The following SECISBP2L variants were observed in gnomAD, a reference collection of about 807,000 sequenced individuals.
SECISBP2L encodes the protein selenocysteine insertion sequence-binding protein 2-like.
SECISBP2L carries 43 observed loss-of-function variants against 114.7 expected under a neutral mutation model. That is an observed-to-expected ratio of 0.38 (90% CI 0.29 to 0.48). SECISBP2L has a LOEUF of 0.48. Among genes scored for constraint, SECISBP2L ranks in the 20% least tolerant of loss-of-function variants. The pLI is 0.98. For synonymous variants in SECISBP2L, 451 were observed against 439.7 expected (o/e 1.03, Z -0.32); for missense variants, 1,136 against 1,301.1 (o/e 0.87, Z 1.95).
chr15:49,022,791 G>A (rs1902666649), intron 7 of SECISBP2L, among the ~76,000 whole-genome samples: 1 of 152,148 alleles, frequency 6.6e-6, no homozygotes, highest in Non-Finnish European at 1.5e-5. Flanking sequence ...AGTCAGTGAA[G>A]AAGAGATCAA....
At chr15:49,003,533 G>T (rs1002094441) in intron 14 of SECISBP2L, among the ~76,000 whole-genome samples, 8 of 152,176 alleles carry the variant, frequency 5.3e-5, no homozygotes, top group Non-Finnish European at 1.2e-4. Context: ...CAAAGGGAAT[G>T]CTTCCAGCTT....
At chr15:49,029,091 C>T (rs1168543821) in intron 4 of SECISBP2L, among the ~76,000 whole-genome samples, 3 of 152,102 alleles carry the variant, frequency 2.0e-5, no homozygotes, top group South Asian at 2.1e-4. Context: ...TGAGCTCAAG[C>T]GATCCACCCG....
At chr15:49,024,379 C>T (rs1291406338) in intron 7 of SECISBP2L, among the ~76,000 whole-genome samples, 1 of 151,624 alleles carries the variant, frequency 6.6e-6, no homozygotes, top group Non-Finnish European at 1.5e-5. Context: ...ACCTGTAATC[C>T]CAGCTACTCA....
At chr15:49,033,469 A>G (rs1902939472) in intron 3 of SECISBP2L, among the ~76,000 whole-genome samples, 1 of 152,200 alleles carries the variant, frequency 6.6e-6, no homozygotes, top group Non-Finnish European at 1.5e-5. Context: ...ACCTATCCCA[A>G]AGTAAATTTT....
chr15:49,040,689 T>C (rs541679280), intron 1 of SECISBP2L, among the ~76,000 whole-genome samples: 281 of 150,956 alleles, frequency 1.9e-3, no homozygotes, highest in Middle Eastern at 6.8e-3. Context: ...GCGCCCACCA[T>C]CACGCCCGGC....
rs1379063804 is a variant in SECISBP2L, at chr15:48,992,359, T to G, written c.3191A>C (p.Asp1064Ala). 5 of 1,614,152 alleles carry G rather than the reference T, an allele frequency of 3.1e-6. No individual in the cohort carries two copies. The highest frequency in any genetic ancestry group is 4.2e-6 in the Non-Finnish European group (5 of 1,180,012). ...CTGGTCAGCAGTCCATGCCTCACTG[T>G]CCATCCCTGGCTCCAGCACCTCAGG... ...EAPEVLEPGM[D>A]SEAWTADQQA... is the part of the protein sequence containing the mutation. The change falls in exon 18 of 18, where the codon GAC (aspartate) becomes GCC (alanine). Residue 1064 changes from aspartate to alanine, a missense_variant. Coordinates refer to ENST00000559471, the MANE Select transcript of SECISBP2L (RefSeq NM_001193489.2).
chr15:49,008,847 T>C (rs1391518723), intron 14 of SECISBP2L, among the ~76,000 whole-genome samples: 2 of 152,290 alleles, frequency 1.3e-5, no homozygotes, highest in African/African-American at 2.4e-5. Flanking sequence ...TAGAAACCTA[T>C]TAATTGGTTA....
At chr15:48,998,654 T>A (rs1902144555) in intron 16 of SECISBP2L, among the ~76,000 whole-genome samples, 1 of 152,158 alleles carries the variant, frequency 6.6e-6, no homozygotes, top group African/African-American at 2.4e-5. Flanking sequence ...GGGTAAAGAT[T>A]GGAAGCTTAA....
intron 7 of SECISBP2L, among the ~76,000 whole-genome samples, chr15:49,026,207 A>G (rs1902738999): frequency 6.6e-6 from 1 of 152,196 alleles, no homozygotes; most frequent in Non-Finnish European, 1.5e-5. Context: ...AATAATGGTT[A>G]CCAGAGGCTG....
In SECISBP2L at chr15:48,992,357, T is replaced by C; in HGVS notation, c.3193A>G (p.Ser1065Gly). The change falls in exon 18 of 18, where the codon AGT becomes GGT. Residue 1065 changes from serine to glycine, a missense_variant. Physicochemically the swap from Ser to Gly is moderately conservative, Grantham distance 56 (BLOSUM62 0). Transcript: ENST00000559471. ...TGCTGGTCAGCAGTCCATGCCTCAC[T>C]GTCCATCCCTGGCTCCAGCACCTCA... is the stretch of plus-strand genomic sequence containing the variant. The part of the protein sequence containing the change: ...APEVLEPGMD[S>G]EAWTADQQAS... 6.2e-7 allele frequency: 1 copy of C among 1,614,198 alleles called. No homozygotes were observed.
At chr15:49,013,735 T>C (rs1215648284) in intron 11 of SECISBP2L, among the ~76,000 whole-genome samples, 2 of 152,184 alleles carry the variant, frequency 1.3e-5, no homozygotes. Flanking sequence ...TGCTATCCAA[T>C]ATAAACTTAC....
At chr15:49,005,109 C>A (rs908837313) in intron 14 of SECISBP2L, among the ~76,000 whole-genome samples, 1 of 152,192 alleles carries the variant, frequency 6.6e-6, no homozygotes, top group East Asian at 1.9e-4. Flanking sequence ...GCAGGTGGAT[C>A]ACCTGAGGTC....
intron 2 of SECISBP2L, 54 bp downstream of exon 2, chr15:49,037,537 T>C: frequency 6.6e-7 from 1 of 1,516,152 alleles, no homozygotes; most frequent in Non-Finnish European, 9.0e-7. Flanking sequence ...AAGTGCACTT[T>C]GCCAGCTTTT....
chr15:49,017,129 G>T (rs913262825), intron 9 of SECISBP2L, 114 bp from the exon 10 acceptor site: 3 of 989,652 alleles, frequency 3.0e-6, no homozygotes, highest in Non-Finnish European at 4.4e-6. Context: ...ACTCTTCAAA[G>T]AATTCAATGT....
rs572374128 is a variant in SECISBP2L at position 48,988,782 on chromosome 15, C to T, written c.*3462G>A. ...ATGAAAATCCCTTCATGTTATAACT[C>T]ACACTAATTTTGCTAGTTTTTTATT... On this transcript the variant is annotated 3_prime_UTR_variant, in exon 18 of 18. Transcript: ENST00000559471. The T allele has an allele frequency of 1.3e-3, 319 of 242,036 alleles. 5 individuals are homozygous for T. Among genetic ancestry groups the T allele is most frequent in the South Asian group, 0.012 (231 of 19,404 alleles). The allele number at this position is 242,036 out of a possible 1,614,324, so 15.0% of individuals were successfully genotyped here. A position where few individuals can be genotyped will look rare whatever the true frequency, so the allele number is the denominator to read the frequency against.
chr15:49,017,496 C>T lies in SECISBP2L; in HGVS notation c.1251+52G>A, dbSNP rs1902559610. The T allele has an allele frequency of 3.5e-6, 4 of 1,132,434 alleles. No individual in the cohort carries two copies. The South Asian group carries it at 5.3e-5, about 15-fold the overall frequency. The allele number at this position is 1,132,434 out of a possible 1,614,324, so 70.1% of individuals were successfully genotyped here. A position where few individuals can be genotyped will look rare whatever the true frequency, so the allele number is the denominator to read the frequency against. On this transcript the variant is annotated intron_variant, in intron 9 of 17. Transcript: ENST00000559471. ...TCTTTAATATTTCCCTTCAACATAGCCATTGTTCAAAAGATGTTATATTTT... is the reference window on the plus strand; with the variant it reads ...TCTTTAATATTTCCCTTCAACATAGTCATTGTTCAAAAGATGTTATATTTT...
At chr15:48,993,616 G>A (rs1258639646) in intron 17 of SECISBP2L, among the ~76,000 whole-genome samples, 1 of 151,970 alleles carries the variant, frequency 6.6e-6, no homozygotes, top group East Asian at 1.9e-4. Context: ...CCTGTAATGG[G>A]ACATGTGTTT....
intron 16 of SECISBP2L, among the ~76,000 whole-genome samples, chr15:48,997,764 G>A (rs1566851599): frequency 6.6e-6 from 1 of 152,198 alleles, no homozygotes. Context: ...AGCTACTCGG[G>A]AGGCTGAGGC....
At chr15:49,009,190 A>G (rs1467301042) in intron 14 of SECISBP2L, 26 bp downstream of exon 14, 2 of 1,608,836 alleles carry the variant, frequency 1.2e-6, no homozygotes, top group Non-Finnish European at 8.5e-7. Flanking sequence ...AAACTATTCA[A>G]CCTCAATAAT....
Sources: allele counts gnomAD v4.1 joint callset (sites outside exome capture counted in the v4.1 genomes callset), GRCh38; gene constraint gnomAD v4.1.1; transcripts MANE v1.5; gene names NCBI Gene and HGNC (gene_info 2026-07-23, HGNC 2026-07-21).